Variants in TRMT9B observed in about 807,000 individuals in gnomAD.
TRMT9B encodes the protein tRNA methyltransferase 9B (putative), also known as probable tRNA methyltransferase 9B.
In TRMT9B, 16 loss-of-function variants were observed where a neutral mutation model predicts 11.5. The ratio of observed to expected loss-of-function variants is 1.39; its 90% CI spans 0.94 to 2.11. TRMT9B has a LOEUF of 2.11. TRMT9B is among the 30% of genes most tolerant of loss of function. The pLI is 0.00. For synonymous variants in TRMT9B, 274 were observed against 192.4 expected, an observed-to-expected ratio of 1.42 and a Z score of -3.51; for missense variants, 941 against 553.8, an observed-to-expected ratio of 1.70 and a Z score of -7.02.
rs374837909 is a variant in TRMT9B, at chr8:12,978,923, A to G, written c.-199-11911A>G. Among the ~76,000 whole-genome samples the G allele has an allele frequency of 9.0e-4, 137 of 152,332 alleles. 2 individuals are homozygous for G. Among genetic ancestry groups the G allele is most frequent in the South Asian group, 5.6e-3 (27 of 4,828 alleles). ...TCACCTGCAGAATCTGTATGCGTGG[A>G]TACTTACCCCAGATCTTTGCCTTCT... On this transcript the variant is annotated intron_variant, in intron 1 of 4. Coordinates refer to ENST00000524591, the MANE Select transcript of TRMT9B (RefSeq NM_020844.3).
chr8:13,016,160 C>CAT (rs61374663), intron 4 of TRMT9B, among the ~76,000 whole-genome samples: 2 of 133,174 alleles, frequency 1.5e-5, no homozygotes, highest in East Asian at 2.2e-4. Flanking sequence ...ACCTGAAAAT[C>CAT]ATATATATAA....
chr8:12,993,005 G>C (rs1807645705), intron 2 of TRMT9B, among the ~76,000 whole-genome samples: 1 of 152,230 alleles, frequency 6.6e-6, no homozygotes, highest in South Asian at 2.1e-4. Flanking sequence ...AGTGATAGGA[G>C]AGCATTGCCG....
At chr8:12,989,039 G>A (rs1484281715) in intron 1 of TRMT9B, among the ~76,000 whole-genome samples, 1 of 151,982 alleles carries the variant, frequency 6.6e-6, no homozygotes, top group East Asian at 1.9e-4. Context: ...GTTAATATTT[G>A]TTGAAAAGAT....
intron 4 of TRMT9B, among the ~76,000 whole-genome samples, chr8:13,017,848 C>T (rs2460894): frequency 1 from 151,081 of 151,494 alleles, 75,335 homozygotes; most frequent in Middle Eastern, 1. Flanking sequence ...GGTCTTGAAC[C>T]CCTGAGCTCA....
At chr8:12,957,260 T>A (rs1028441166) in intron 1 of TRMT9B, among the ~76,000 whole-genome samples, 17 of 152,216 alleles carry the variant, frequency 1.1e-4, no homozygotes, top group African/African-American at 3.9e-4. Flanking sequence ...CATGTCTTTG[T>A]CTTCTCTGTT....
intron 2 of TRMT9B, among the ~76,000 whole-genome samples, chr8:13,000,215 C>T (rs1016742552): frequency 2.0e-5 from 3 of 152,092 alleles, no homozygotes; most frequent in African/African-American, 2.4e-5. Context: ...TTTCAGATGA[C>T]GTTTATGCCA....
intron 2 of TRMT9B, among the ~76,000 whole-genome samples, chr8:13,004,527 C>A (rs1585315689): frequency 6.6e-6 from 1 of 151,874 alleles, no homozygotes; most frequent in East Asian, 2.0e-4. Context: ...TCTGTTCAGG[C>A]CCTACCCCCC....
At chr8:12,982,874 A>G (rs1229020654) in intron 1 of TRMT9B, among the ~76,000 whole-genome samples, 1 of 152,102 alleles carries the variant, frequency 6.6e-6, no homozygotes, top group East Asian at 1.9e-4. Flanking sequence ...CAGCTTCTCC[A>G]AGGGACAAAA....
At position 13,029,608 on chromosome 8, in the gene TRMT9B, C is replaced by G. The variant is rs552962696; in HGVS notation, c.*7564C>G. ...ATTCAGTTCACATAGTCAGCTCTCA[C>G]TACACTTCAACAGAACGGGGCAAGT... is the stretch of plus-strand genomic sequence containing the variant. On this transcript the variant is annotated 3_prime_UTR_variant, in exon 5 of 5. Coordinates refer to ENST00000524591, the MANE Select transcript of TRMT9B (RefSeq NM_020844.3). 4.6e-4 allele frequency: 75 copies of G among 164,498 alleles called. No homozygotes were observed. The highest frequency in any genetic ancestry group is 6.2e-4 in the Non-Finnish European group (42 of 68,098). The allele number at this position is 164,498 out of a possible 1,614,324, so 10.2% of individuals were successfully genotyped here.
At chr8:12,984,482 C>A (rs1393096040) in intron 1 of TRMT9B, among the ~76,000 whole-genome samples, 1 of 152,156 alleles carries the variant, frequency 6.6e-6, no homozygotes, top group East Asian at 1.9e-4. Flanking sequence ...TCTTGAGCAA[C>A]CTTTTTTCAG....
intron 1 of TRMT9B, among the ~76,000 whole-genome samples, chr8:12,949,477 T>C (rs1800433038): frequency 6.6e-6 from 1 of 152,188 alleles, no homozygotes; most frequent in South Asian, 2.1e-4. Flanking sequence ...AAATTTTCTT[T>C]ACAGTACATT....
chr8:13,004,734 C>G (rs1000686476), intron 2 of TRMT9B, among the ~76,000 whole-genome samples: 1 of 152,068 alleles, frequency 6.6e-6, no homozygotes, highest in Non-Finnish European at 1.5e-5. Flanking sequence ...CGACTTAGCA[C>G]ATTCCCATCT....
chr8:13,022,209 C>T lies in TRMT9B; in HGVS notation c.*165C>T, dbSNP rs144879124. The T allele has an allele frequency of 2.7e-4, 149 of 558,144 alleles. 2 individuals carry two copies. The East Asian group carries it at 4.5e-3, about 17-fold the overall frequency. The allele number at this position is 558,144 out of a possible 1,614,324, so 34.6% of individuals were successfully genotyped here. A position where few individuals can be genotyped will look rare whatever the true frequency, so the allele number is the denominator to read the frequency against. On this transcript the variant is annotated 3_prime_UTR_variant, in exon 5 of 5. Coordinates refer to ENST00000524591, the MANE Select transcript of TRMT9B (RefSeq NM_020844.3). The stretch of plus-strand genomic sequence containing the variant: ...TGTTTTGTTTTCATTTTTGAATAAG[C>T]ACAGATTCTGGCATTGAAAGCACTT...
At chr8:12,951,632 C>G (rs1017576773) in intron 1 of TRMT9B, 1 of 151,926 alleles carries the variant, frequency 6.6e-6, no homozygotes, top group Non-Finnish European at 1.5e-5. Context: ...CTTCGCTGCC[C>G]GGAGGCGCCG....
intron 2 of TRMT9B, among the ~76,000 whole-genome samples, chr8:13,002,749 C>G (rs1241319528): frequency 6.6e-6 from 1 of 152,104 alleles, no homozygotes; most frequent in Non-Finnish European, 1.5e-5. Context: ...GGTGGGTGAG[C>G]AAATAAGAAA....
intron 1 of TRMT9B, among the ~76,000 whole-genome samples, chr8:12,950,930 G>T (rs1281501957): frequency 1.3e-5 from 2 of 152,140 alleles, no homozygotes; most frequent in Non-Finnish European, 2.9e-5. Flanking sequence ...TACAAAGGGC[G>T]GCAGAGCGGT....
intron 1 of TRMT9B, among the ~76,000 whole-genome samples, chr8:12,985,050 G>T (rs1294411397): frequency 6.6e-6 from 1 of 151,638 alleles, no homozygotes; most frequent in Admixed American, 6.6e-5. Context: ...TCGTTTTGGG[G>T]GCTAATATCC....
In TRMT9B at chr8:13,021,462, G is replaced by C; in HGVS notation, c.783G>C (p.Leu261=). ...CCAGATCTTTGGATGAATCGACTCT[G>C]AGGAAGCAAATTGAAAGAGTAAGAC... ...FFSRSLDEST[L]RKQIERVRPL... Residue 261 remains leucine, a synonymous_variant, in exon 5 of 5, where the codon CTG becomes CTC. Coordinates refer to ENST00000524591, the MANE Select transcript of TRMT9B (RefSeq NM_020844.3). 3 of 1,614,032 alleles carry C rather than the reference G, an allele frequency of 1.9e-6. No individual in the cohort carries two copies. Among genetic ancestry groups the C allele is most frequent in the East Asian group, 2.2e-5 (1 of 44,890 alleles).
In TRMT9B at chr8:12,968,457, G is replaced by C. The variant is rs139565542; in HGVS notation, c.-199-22377G>C. On this transcript the variant is annotated intron_variant, in intron 1 of 4. Transcript: ENST00000524591. ...AGTGACAGACATTTTAGCAATTTCT[G>C]GTATATTTGTTGTGAAGAGCTACAT... Among the ~76,000 whole-genome samples, 7 of 152,242 alleles carry C rather than the reference G, an allele frequency of 4.6e-5. No homozygotes were observed. In the South Asian group the frequency reaches 1.2e-3, roughly 27 times the overall value.
Sources: allele counts gnomAD v4.1 joint callset (sites outside exome capture counted in the v4.1 genomes callset), GRCh38; gene constraint gnomAD v4.1.1; transcripts MANE v1.5; gene names NCBI Gene and HGNC (gene_info 2026-07-23, HGNC 2026-07-21).